The following SPATA6 variants were observed in gnomAD, a reference collection of about 807,000 sequenced individuals.
SPATA6 encodes the protein spermatogenesis-associated protein 6.
A neutral mutation model predicts 65.3 loss-of-function variants in SPATA6; 56 were observed. That is an observed-to-expected ratio of 0.86 (90% CI 0.69 to 1.07). SPATA6 has a LOEUF of 1.07. Among genes scored for constraint, SPATA6 ranks in the 50% least tolerant of loss-of-function variants. SPATA6 has a pLI of 0.00. For missense variants in SPATA6, 590 were observed against 594.8 expected (o/e 0.99, Z 0.08); for synonymous variants, 199 against 213.2 (o/e 0.93, Z 0.58).
intron 8 of SPATA6, among the ~76,000 whole-genome samples, chr1:48,390,166 T>C (rs1317479352): frequency 3.3e-5 from 5 of 152,184 alleles, no homozygotes; most frequent in Admixed American, 2.6e-4. Context: ...TCAACCTAAC[T>C]GTTCATCAAT....
At chr1:48,372,756 A>AAACCTCAAT (rs1480879768) in intron 9 of SPATA6, among the ~76,000 whole-genome samples, 2 of 152,234 alleles carry the variant, frequency 1.3e-5, no homozygotes, top group African/African-American at 4.8e-5. Flanking sequence ...AGAGGTTCCC[A>AAACCTCAAT]AACCTCAATT....
chr1:48,325,494 T>A (rs933610616), intron 11 of SPATA6: 1 of 1,230,952 alleles, frequency 8.1e-7, no homozygotes, highest in Non-Finnish European at 1.2e-6. Flanking sequence ...ATTCTCTGAG[T>A]TGATGATCTC....
rs1645358493 is a variant in SPATA6, at chr1:48,314,912, C to T, written c.1195-9034G>A. On this transcript the variant is annotated intron_variant, in intron 11 of 12. Coordinates refer to ENST00000371847, the MANE Select transcript of SPATA6 (RefSeq NM_019073.4). ...AACTACCATCAGAGAATACTATAAA[C>T]ACCTCTATGCAAATAAACTAGAAAA... Among the ~76,000 whole-genome samples the T allele has an allele frequency of 2.0e-5, 3 of 152,164 alleles. No homozygotes were observed. In the South Asian group the frequency reaches 6.2e-4, roughly 31 times the overall value.
intron 8 of SPATA6, among the ~76,000 whole-genome samples, chr1:48,387,500 TC>T (rs1649600714): frequency 6.6e-6 from 1 of 152,138 alleles, no homozygotes; most frequent in Admixed American, 6.5e-5. Flanking sequence ...GATGGCAGCA[TC>T]ATCTCCAGCC....
At chr1:48,283,115 T>C in the SPATA6 span, among the ~76,000 whole-genome samples, 1 of 137,710 alleles carries the variant, frequency 7.3e-6, no homozygotes, top group Non-Finnish European at 1.5e-5. Flanking sequence ...TTCTTACTCA[T>C]AGGTGGGAAT....
intron 8 of SPATA6, among the ~76,000 whole-genome samples, chr1:48,386,619 T>A (rs147469039): frequency 3.4e-4 from 52 of 152,290 alleles, no homozygotes; most frequent in Middle Eastern, 3.4e-3. Flanking sequence ...CAAGAGATAC[T>A]TCTCAATACA....
At chr1:48,456,752 G>C (rs1657035949) in intron 1 of SPATA6, among the ~76,000 whole-genome samples, 2 of 152,104 alleles carry the variant, frequency 1.3e-5, no homozygotes, top group African/African-American at 4.8e-5. Flanking sequence ...AAATTCACTA[G>C]AGAAGTTCAA....
chr1:48,433,922 CT>C (rs2148068626), intron 3 of SPATA6, among the ~76,000 whole-genome samples: 1 of 152,242 alleles, frequency 6.6e-6, no homozygotes, highest in Non-Finnish European at 1.5e-5. Flanking sequence ...TCTAATAAAA[CT>C]GCTATTTTAG....
chr1:48,396,868 A>G (rs1238059953), intron 7 of SPATA6, among the ~76,000 whole-genome samples: 1 of 151,652 alleles, frequency 6.6e-6, no homozygotes, highest in East Asian at 1.9e-4. Context: ...AACAACATGA[A>G]TATATTTAAT....
chr1:48,394,182 A>T (rs1270837070), intron 8 of SPATA6, among the ~76,000 whole-genome samples: 1 of 152,142 alleles, frequency 6.6e-6, no homozygotes, highest in Non-Finnish European at 1.5e-5. Context: ...CAAAATAAAA[A>T]GTTAAAAGAA....
At chr1:48,286,603 A>T in the SPATA6 span, among the ~76,000 whole-genome samples, 1 of 152,170 alleles carries the variant, frequency 6.6e-6, no homozygotes. Flanking sequence ...GCAAACAGAG[A>T]TAATTTTATA....
intron 9 of SPATA6, among the ~76,000 whole-genome samples, chr1:48,379,686 A>G (rs766047521): frequency 6.6e-6 from 1 of 152,218 alleles, no homozygotes; most frequent in East Asian, 1.9e-4. Context: ...AACTTCAGTC[A>G]TTCACAGAGC....
In SPATA6 at chr1:48,335,362, A is replaced by G. The variant is rs1246114580; in HGVS notation, c.1194+20308T>C. On this transcript the variant is annotated intron_variant, in intron 11 of 12. Transcript: ENST00000371847. ...CAAAAAAAAAAGAAAAAAAAGCTGG[A>G]GGAATCACATTGCCTGACCTCAAAC... Among the ~76,000 whole-genome samples the G allele has an allele frequency of 2.6e-5, 4 of 151,794 alleles. No homozygotes were observed. The East Asian group carries it at 7.7e-4, about 29-fold the overall frequency.
At chr1:48,329,550 T>C (rs192192825) in intron 11 of SPATA6, among the ~76,000 whole-genome samples, 57 of 152,322 alleles carry the variant, frequency 3.7e-4, no homozygotes, top group Middle Eastern at 6.8e-3. Context: ...AGGGAGATAC[T>C]TATATGCTTA....
chr1:48,300,027 G>A (rs978767053), intron 12 of SPATA6, among the ~76,000 whole-genome samples: 1 of 152,160 alleles, frequency 6.6e-6, no homozygotes, highest in African/African-American at 2.4e-5. Context: ...GAGAGAGAGA[G>A]AGAGCGAGCG....
chr1:48,302,330 T>G (rs1311651805), intron 12 of SPATA6, among the ~76,000 whole-genome samples: 1 of 152,224 alleles, frequency 6.6e-6, no homozygotes, highest in East Asian at 1.9e-4. Context: ...TAGTGAACAC[T>G]AACCAACAGG....
At chr1:48,321,654 C>G (rs1191414840) in intron 11 of SPATA6, among the ~76,000 whole-genome samples, 2 of 152,146 alleles carry the variant, frequency 1.3e-5, no homozygotes, top group Non-Finnish European at 2.9e-5. Context: ...TTAATCTGCA[C>G]TATAGCCTAA....
At chr1:48,434,697 G>GT (rs1557704970) in intron 3 of SPATA6, among the ~76,000 whole-genome samples, 4 of 150,742 alleles carry the variant, frequency 2.7e-5, no homozygotes, top group African/African-American at 7.3e-5. Flanking sequence ...CACTTACGGG[G>GT]GTGTGTGTGT....
the SPATA6 span, among the ~76,000 whole-genome samples, chr1:48,289,732 C>A: frequency 6.6e-6 from 1 of 152,100 alleles, no homozygotes; most frequent in Admixed American, 6.6e-5. Flanking sequence ...ATTCGATCAA[C>A]TGGAAGAAAG....
Sources: gnomAD v4.1 joint callset for allele counts (sites outside exome capture counted in the v4.1 genomes callset) on GRCh38, gnomAD v4.1.1 for gene constraint, MANE v1.5 for transcripts, NCBI Gene and HGNC (gene_info 2026-07-23, HGNC 2026-07-21) for gene names.